Variants in KCNIP4 observed in about 807,000 individuals in gnomAD.
The protein encoded by KCNIP4 is Kv channel-interacting protein 4.
In KCNIP4, 12 loss-of-function variants were observed where a neutral mutation model predicts 34.0. The ratio of observed to expected loss-of-function variants is 0.35; its 90% confidence interval spans 0.23 to 0.57. The LOEUF is 0.57. KCNIP4 is among the 20% of genes least tolerant of loss of function. The pLI, the probability that KCNIP4 is intolerant of heterozygous loss-of-function variation, is 0.83. For synonymous variants in KCNIP4, 124 were observed against 102.2 expected, an observed-to-expected ratio of 1.21 and a Z score of -1.29; for missense variants, 238 against 311.7, an observed-to-expected ratio of 0.76 and a Z score of 1.78.
At chr4:21,217,763 G>A (rs1180257384) in intron 1 of KCNIP4, among the ~76,000 whole-genome samples, 1 of 152,088 alleles carries the variant, frequency 6.6e-6, no homozygotes, top group Non-Finnish European at 1.5e-5. Context: ...GAAGGAAAAT[G>A]ACAACCCTGT....
Position 21,614,260 on chromosome 4 carries a change from C to G in KCNIP4, c.61+334311G>C, listed in dbSNP as rs116651940. 2.1e-3 allele frequency among the ~76,000 whole-genome samples: 317 copies of G among 151,932 alleles called. 2 individuals are homozygous for G. The highest frequency in any genetic ancestry group is 7.3e-3 in the African/African-American group (301 of 41,478). ...GTGAATTTTATTCATGCAGACAACA[C>G]GCTCTTGACATGAGGGATGCAGGTG... On this transcript the variant is annotated intron_variant, in intron 1 of 8. Coordinates refer to ENST00000382152, the MANE Select transcript of KCNIP4 (RefSeq NM_025221.6).
chr4:21,183,959 T>C (rs891339806), intron 1 of KCNIP4, among the ~76,000 whole-genome samples: 5 of 152,144 alleles, frequency 3.3e-5, no homozygotes, highest in Non-Finnish European at 7.4e-5. Flanking sequence ...TTTGCAATAA[T>C]TGATTTTCCT....
intron 3 of KCNIP4, among the ~76,000 whole-genome samples, chr4:20,760,779 A>G (rs185932331): frequency 6.6e-6 from 1 of 152,232 alleles, no homozygotes; most frequent in East Asian, 1.9e-4. Context: ...ACCCCTGTGG[A>G]AATAATGATG....
intron 1 of KCNIP4, among the ~76,000 whole-genome samples, chr4:21,093,851 G>A (rs1275764056): frequency 1.3e-5 from 2 of 152,146 alleles, no homozygotes; most frequent in Non-Finnish European, 2.9e-5. Context: ...GGGAGGCCAC[G>A]GCGGGAGGAT....
intron 1 of KCNIP4, among the ~76,000 whole-genome samples, chr4:21,585,455 A>G (rs1270565288): frequency 6.6e-6 from 1 of 152,138 alleles, no homozygotes. Flanking sequence ...AATAAAATAA[A>G]TACTACTTAC....
intron 1 of KCNIP4, among the ~76,000 whole-genome samples, chr4:21,919,563 C>A (rs552298609): frequency 6.6e-6 from 1 of 152,044 alleles, no homozygotes; most frequent in Non-Finnish European, 1.5e-5. Flanking sequence ...AACAGAAATA[C>A]GATTATGTTT....
intron 1 of KCNIP4, among the ~76,000 whole-genome samples, chr4:21,604,445 C>T (rs1314020436): frequency 6.6e-6 from 1 of 152,106 alleles, no homozygotes; most frequent in Non-Finnish European, 1.5e-5. Flanking sequence ...TGTGTGATTT[C>T]AGTATAAAAG....
At chr4:21,678,197 T>C (rs1401835756) in intron 1 of KCNIP4, among the ~76,000 whole-genome samples, 1 of 151,978 alleles carries the variant, frequency 6.6e-6, no homozygotes, top group Non-Finnish European at 1.5e-5. Context: ...AAAGAAGCCA[T>C]AGGCAATATA....
chr4:21,115,082 C>T (rs926187884), intron 1 of KCNIP4, among the ~76,000 whole-genome samples: 1 of 152,144 alleles, frequency 6.6e-6, no homozygotes, highest in African/African-American at 2.4e-5. Context: ...CTTACAAGGG[C>T]CCAGTTCACT....
chr4:21,514,236 A>G (rs990132406), intron 1 of KCNIP4, among the ~76,000 whole-genome samples: 1 of 152,158 alleles, frequency 6.6e-6, no homozygotes, highest in Admixed American at 6.6e-5. Flanking sequence ...GCATGAGCTG[A>G]TATTGTTTCT....
intron 1 of KCNIP4, among the ~76,000 whole-genome samples, chr4:20,894,772 T>C (rs1726320298): frequency 1.3e-5 from 2 of 152,160 alleles, no homozygotes; most frequent in Admixed American, 1.3e-4. Flanking sequence ...GGATTAACAA[T>C]AGAACAAGAA....
At chr4:21,780,831 C>T (rs1293571904) in intron 1 of KCNIP4, among the ~76,000 whole-genome samples, 2 of 152,152 alleles carry the variant, frequency 1.3e-5, no homozygotes, top group African/African-American at 4.8e-5. Context: ...CTGTCTGGAC[C>T]ATGTTCCCTC....
At chr4:20,858,211 C>CAA (rs778798968) in intron 2 of KCNIP4, among the ~76,000 whole-genome samples, 3,328 of 70,430 alleles carry the variant, frequency 0.047, 471 homozygotes, top group Non-Finnish European at 0.078. Flanking sequence ...AACTCCATCT[C>CAA]AAAAAAAAAA....
intron 1 of KCNIP4, among the ~76,000 whole-genome samples, chr4:21,195,776 G>T (rs983246466): frequency 3.9e-5 from 6 of 152,040 alleles, no homozygotes; most frequent in Admixed American, 2.0e-4. Context: ...AGAACGCCTG[G>T]TTGCAATGGC....
chr4:21,683,140 C>T (rs1359171487), intron 1 of KCNIP4, among the ~76,000 whole-genome samples: 1 of 152,182 alleles, frequency 6.6e-6, no homozygotes, highest in Non-Finnish European at 1.5e-5. Context: ...ATGTCAAGCT[C>T]CTTTATGGTG....
intron 1 of KCNIP4, among the ~76,000 whole-genome samples, chr4:20,908,943 G>A (rs952336783): frequency 1.3e-5 from 2 of 152,134 alleles, no homozygotes; most frequent in Non-Finnish European, 2.9e-5. Flanking sequence ...TTATTATTGA[G>A]CATAACAACT....
intron 1 of KCNIP4, among the ~76,000 whole-genome samples, chr4:21,054,400 T>C (rs1370517740): frequency 1.3e-5 from 2 of 151,648 alleles, no homozygotes; most frequent in Non-Finnish European, 2.9e-5. Flanking sequence ...ACAACTGTAA[T>C]CCCAGCTACT....
In KCNIP4 at chr4:21,310,596, C is replaced by G. The variant is rs550552752; in HGVS notation, c.62-427887G>C. ...GAACTGAAAGAAAACGAGCAGAAGGCAAAGGCATCACATAATAAATGTATT... is the reference window on the plus strand; with the variant it reads ...GAACTGAAAGAAAACGAGCAGAAGGGAAAGGCATCACATAATAAATGTATT... On this transcript the variant is annotated intron_variant, in intron 1 of 8. Coordinates refer to ENST00000382152, the MANE Select transcript of KCNIP4 (RefSeq NM_025221.6). Among the ~76,000 whole-genome samples, 8 of 152,146 alleles carry G rather than the reference C, an allele frequency of 5.3e-5. No individual in the cohort carries two copies. The South Asian group carries it at 1.7e-3, about 32-fold the overall frequency.
intron 1 of KCNIP4, among the ~76,000 whole-genome samples, chr4:21,861,338 G>A (rs1053743217): frequency 6.6e-6 from 1 of 152,076 alleles, no homozygotes; most frequent in African/African-American, 2.4e-5. Context: ...ATCTTTGTGT[G>A]CTCTTTACCA....
Sources: allele counts gnomAD v4.1 joint callset (sites outside exome capture counted in the v4.1 genomes callset), GRCh38; gene constraint gnomAD v4.1.1; transcripts MANE v1.5; gene names NCBI Gene and HGNC (gene_info 2026-07-23, HGNC 2026-07-21).